Variants in CACNA2D2 observed in about 807,000 individuals in gnomAD.
The protein encoded by CACNA2D2 is voltage-dependent calcium channel subunit alpha-2/delta-2.
A neutral mutation model predicts 166.4 loss-of-function variants in CACNA2D2; 48 were observed. The ratio of observed to expected loss-of-function variants is 0.29; its 90% CI spans 0.23 to 0.37. The LOEUF is 0.37. Among genes scored for constraint, CACNA2D2 ranks in the 10% least tolerant of loss-of-function variants. CACNA2D2 has a pLI of 1.00. For missense variants in CACNA2D2, 1,122 were observed against 1,433.0 expected (o/e 0.78, Z 3.50); for synonymous variants, 561 against 573.7 (o/e 0.98, Z 0.32).
At chr3:50,423,879 G>C (rs532509131) in intron 3 of CACNA2D2, among the ~76,000 whole-genome samples, 1 of 152,262 alleles carries the variant, frequency 6.6e-6, no homozygotes, top group African/African-American at 2.4e-5. Flanking sequence ...CCCCAAAGAG[G>C]GGAAGGCTGG....
intron 2 of CACNA2D2, among the ~76,000 whole-genome samples, chr3:50,449,786 C>T (rs1709017127): frequency 6.6e-6 from 1 of 152,146 alleles, no homozygotes; most frequent in Admixed American, 6.5e-5. Context: ...ACTCCCAGGA[C>T]TGCCCACCAC....
intron 3 of CACNA2D2, among the ~76,000 whole-genome samples, chr3:50,405,465 A>G (rs374954791): frequency 6.6e-6 from 1 of 152,080 alleles, no homozygotes; most frequent in Admixed American, 6.5e-5. Context: ...GGTAGGGAGG[A>G]GCGTCAGGGC....
intron 2 of CACNA2D2, 78 bp from the exon 3 acceptor site, chr3:50,434,507 A>ACAGCT: frequency 2.0e-6 from 2 of 1,007,872 alleles, no homozygotes. Flanking sequence ...ACCCCTCTGC[A>ACAGCT]CAGCTCACCT....
chr3:50,404,789 T>A (rs902661642), intron 3 of CACNA2D2, among the ~76,000 whole-genome samples: 1 of 152,232 alleles, frequency 6.6e-6, no homozygotes, highest in African/African-American at 2.4e-5. Flanking sequence ...TTCTTCTTTA[T>A]AGTCCACCTA....
chr3:50,386,843 C>G (rs191035283), intron 5 of CACNA2D2, among the ~76,000 whole-genome samples: 102 of 152,336 alleles, frequency 6.7e-4, no homozygotes, highest in Non-Finnish European at 1.3e-3. Flanking sequence ...TAAAGTCAGG[C>G]AGAGGGTCTT....
intron 6 of CACNA2D2, among the ~76,000 whole-genome samples, chr3:50,382,295 G>A (rs752308561): frequency 1.1e-4 from 16 of 152,094 alleles, no homozygotes; most frequent in Non-Finnish European, 1.9e-4. Context: ...CCCAGCCACC[G>A]TCACCCCGTA....
chr3:50,499,178 G>A (rs1241474871), intron 1 of CACNA2D2, among the ~76,000 whole-genome samples: 2 of 152,230 alleles, frequency 1.3e-5, no homozygotes, highest in Non-Finnish European at 2.9e-5. Context: ...GCACAGCCCA[G>A]AGCTGGGATG....
chr3:50,382,166 G>T (rs1276707254), intron 6 of CACNA2D2, among the ~76,000 whole-genome samples: 1 of 152,182 alleles, frequency 6.6e-6, no homozygotes, highest in African/African-American at 2.4e-5. Context: ...CATGTGTGCA[G>T]TGACCCTGTC....
rs1575799699 is a variant in CACNA2D2, at chr3:50,503,584, T to TCTGCGGG, written c.-168_-162dup. ...CCGGGGCTGCACGGGCCGCAGCGCC[T>TCTGCGGG]CTGCGGGCTGCGCGCTGCTATCTCC... On this transcript the variant is annotated 5_prime_UTR_variant, in exon 1 of 38. Transcript: ENST00000424201. 1.2e-5 allele frequency: 2 copies of TCTGCGGG among 166,494 alleles called. No individual in the cohort carries two copies. The highest frequency in any genetic ancestry group is 4.8e-5 in the African/African-American group (2 of 41,450). The allele number at this position is 166,494 out of a possible 1,614,324, so 10.3% of individuals were successfully genotyped here.
At chr3:50,492,150 C>A (rs1385509629) in intron 1 of CACNA2D2, among the ~76,000 whole-genome samples, 1 of 152,266 alleles carries the variant, frequency 6.6e-6, no homozygotes, top group Non-Finnish European at 1.5e-5. Flanking sequence ...CAGCACCCAG[C>A]CAAGTCTGGG....
At chr3:50,384,739 T>G (rs1705506147) in intron 5 of CACNA2D2, among the ~76,000 whole-genome samples, 1 of 152,226 alleles carries the variant, frequency 6.6e-6, no homozygotes, top group Admixed American at 6.5e-5. Flanking sequence ...CAGGGAGGCC[T>G]CAGCAGTCCC....
rs928634305 is a variant in CACNA2D2, at chr3:50,503,596, G to A, written c.-173C>T. 4.2e-5 allele frequency: 7 copies of A among 165,732 alleles called. No homozygotes were observed. Among genetic ancestry groups the A allele is most frequent in the Non-Finnish European group, 2.6e-5 (2 of 77,590 alleles). The allele number at this position is 165,732 out of a possible 1,614,324, so 10.3% of individuals were successfully genotyped here. A position where few individuals can be genotyped will look rare whatever the true frequency, so the allele number is the denominator to read the frequency against. On this transcript the variant is annotated 5_prime_UTR_variant, in exon 1 of 38. Transcript: ENST00000424201. ...GGGCCGCAGCGCCTCTGCGGGCTGC[G>A]CGCTGCTATCTCCCTGCAGCGCTGG...
At position 50,380,422 on chromosome 3, in the gene CACNA2D2, T is replaced by C. The variant is rs1329765826; in HGVS notation, c.842+326A>G. Among the ~76,000 whole-genome samples, 2 of 152,086 alleles carry C rather than the reference T, an allele frequency of 1.3e-5. No homozygotes were observed. Among genetic ancestry groups the C allele is most frequent in the South Asian group, 2.1e-4 (1 of 4,824 alleles). On this transcript the variant is annotated intron_variant, in intron 8 of 37. Coordinates refer to ENST00000424201, the MANE Select transcript of CACNA2D2 (RefSeq NM_006030.4). The surrounding 1 kb of genome is among the most constrained non-coding windows in gnomAD (Gnocchi z 4.9). ...AGGGGCAGAACAGAGGGGAGGGATATCTGGGGCTCAGACGGGTGGGGCAGG... is the reference window on the plus strand; with the variant it reads ...AGGGGCAGAACAGAGGGGAGGGATACCTGGGGCTCAGACGGGTGGGGCAGG...
intron 2 of CACNA2D2, among the ~76,000 whole-genome samples, chr3:50,450,341 C>T (rs1244410635): frequency 5.3e-5 from 8 of 151,004 alleles, no homozygotes; most frequent in Admixed American, 3.3e-4. Flanking sequence ...ACCCCCGCAC[C>T]GCCTCCCCTA....
At chr3:50,429,850 T>A (rs1013024611) in intron 3 of CACNA2D2, among the ~76,000 whole-genome samples, 4 of 149,848 alleles carry the variant, frequency 2.7e-5, no homozygotes, top group African/African-American at 9.8e-5. Flanking sequence ...GCCCCGCCCC[T>A]CCACCCCTGC....
chr3:50,393,431 C>T (rs1440538567), intron 4 of CACNA2D2, among the ~76,000 whole-genome samples: 2 of 152,222 alleles, frequency 1.3e-5, no homozygotes, highest in East Asian at 1.9e-4. Context: ...GATGCTGGCC[C>T]GAGGGCCGGT....
chr3:50,381,248 G>T (rs587744140), intron 6 of CACNA2D2, 122 bp from the exon 7 acceptor site: 2 of 1,183,874 alleles, frequency 1.7e-6, no homozygotes, highest in Non-Finnish European at 2.4e-6. Flanking sequence ...GCCTATCCAG[G>T]CCCTCCCTAT....
At position 50,364,501 on chromosome 3, in the gene CACNA2D2, G is replaced by A; in HGVS notation, c.*165C>T. On this transcript the variant is annotated 3_prime_UTR_variant, in exon 38 of 38. Coordinates refer to ENST00000424201, the MANE Select transcript of CACNA2D2 (RefSeq NM_006030.4). Reference sequence around the variant, plus strand: ...CCAAACACCTGCGGCGTCCCGCTTTGGGACTCCCCATCCCAAGGCGCAGAC... The same window carrying A: ...CCAAACACCTGCGGCGTCCCGCTTTAGGACTCCCCATCCCAAGGCGCAGAC... 1 of 813,060 alleles carries A rather than the reference G, an allele frequency of 1.2e-6. No homozygotes were observed. Among genetic ancestry groups the A allele is most frequent in the Non-Finnish European group, 1.9e-6 (1 of 536,184 alleles). 50.4% of individuals were successfully genotyped at this position (813,060 alleles called of 1,614,324 possible).
intron 3 of CACNA2D2, among the ~76,000 whole-genome samples, chr3:50,430,994 G>A (rs1346354456): frequency 2.6e-5 from 4 of 152,148 alleles, no homozygotes; most frequent in East Asian, 1.9e-4. Context: ...GGAGAAACTC[G>A]TTACAAACAT....
Sources: gnomAD v4.1 joint callset for allele counts (sites outside exome capture counted in the v4.1 genomes callset) on GRCh38, gnomAD v4.1.1 for gene constraint, Gnocchi (gnomAD v3.1) non-coding constraint, MANE v1.5 for transcripts, NCBI Gene and HGNC (gene_info 2026-07-23, HGNC 2026-07-21) for gene names.